Variants in DENND4A observed in about 807,000 individuals in gnomAD.
DENND4A encodes DENN domain containing 4A.
Under a neutral mutation model 199.3 loss-of-function variants are expected in DENND4A, and 70 were observed. The observed-to-expected ratio is 0.35, with a 90% CI of 0.29 to 0.43. The LOEUF is 0.43. Ranked by LOEUF, DENND4A falls within the 20% of genes least tolerant of loss-of-function variation. DENND4A has a pLI of 1.00. For missense variants in DENND4A, 1,723 were observed against 2,255.8 expected, an observed-to-expected ratio of 0.76 and a Z score of 4.78; for synonymous variants, 686 against 766.9, an observed-to-expected ratio of 0.89 and a Z score of 1.74.
At chr15:65,683,558 G>A (rs2076653664) in intron 23 of DENND4A, among the ~76,000 whole-genome samples, 3 of 151,956 alleles carry the variant, frequency 2.0e-5, no homozygotes, top group Non-Finnish European at 4.4e-5. Flanking sequence ...CACAAATTTT[G>A]ATATATTTTT....
chr15:65,732,491 A>G (rs1448859209), intron 8 of DENND4A, among the ~76,000 whole-genome samples: 4 of 152,148 alleles, frequency 2.6e-5, no homozygotes, highest in Non-Finnish European at 4.4e-5. Flanking sequence ...TTTAGGGGAA[A>G]AAAGTTCCTT....
At chr15:65,711,312 G>A (rs1217896071) in intron 14 of DENND4A, among the ~76,000 whole-genome samples, 1 of 152,030 alleles carries the variant, frequency 6.6e-6, no homozygotes, top group Admixed American at 6.6e-5. Flanking sequence ...GACCAACCTG[G>A]GCAACACAAG....
At chr15:65,744,323 T>C (rs997877846) in intron 4 of DENND4A, among the ~76,000 whole-genome samples, 2 of 152,172 alleles carry the variant, frequency 1.3e-5, no homozygotes, top group African/African-American at 2.4e-5. Flanking sequence ...TTTAGACATG[T>C]TAAGTTTGAA....
chr15:65,731,684 T>C lies in DENND4A; in HGVS notation c.1124A>G (p.Asn375Ser). ...AGACACAGGCTGACTGAGAATCAGA[T>C]TATCATGTGGTGATAACTGGAAGAA... is the stretch of plus-strand genomic sequence containing the variant. ...RILVQLSPHD[N>S]LILSQPVSSP... is the part of the protein sequence containing the mutation. The change falls in exon 9 of 33, where the codon AAT (asparagine) becomes AGT (serine). Residue 375 changes from asparagine to serine, a missense_variant. Transcript: ENST00000443035. The C allele has an allele frequency of 6.4e-7, 1 of 1,559,192 alleles. No homozygotes were observed. The highest frequency in any genetic ancestry group is 8.7e-7 in the Non-Finnish European group (1 of 1,150,392).
Position 65,739,010 on chromosome 15 carries a change from C to T in DENND4A, c.632-135G>A, listed in dbSNP as rs1191268570. ...TTATATATATGTTCATCAAATAACACTGAATACTTTGGTAGGATTCATAGA... is the reference window on the plus strand; with the variant it reads ...TTATATATATGTTCATCAAATAACATTGAATACTTTGGTAGGATTCATAGA... On this transcript the variant is annotated intron_variant, in intron 5 of 32. Transcript: ENST00000443035. 2.2e-5 allele frequency: 13 copies of T among 601,524 alleles called. No homozygotes were observed. In the East Asian group the frequency reaches 3.5e-4, roughly 16 times the overall value. The allele number at this position is 601,524 out of a possible 1,614,324, so 37.3% of individuals were successfully genotyped here.
intron 14 of DENND4A, among the ~76,000 whole-genome samples, chr15:65,707,460 TTAAAGGAACCAA>T (rs1349972986): frequency 6.6e-6 from 1 of 152,062 alleles, no homozygotes; most frequent in Non-Finnish European, 1.5e-5. Flanking sequence ...TTTCTAACAC[TTAAAGGAACCAA>T]TACATTCAAA....
chr15:65,764,721 C>G (rs1381568715), intron 1 of DENND4A, among the ~76,000 whole-genome samples: 4 of 151,848 alleles, frequency 2.6e-5, no homozygotes, highest in Non-Finnish European at 5.9e-5. Context: ...TGCCTGTAAT[C>G]CCAGCACTCT....
chr15:65,729,886 T>C (rs967385136), intron 9 of DENND4A, among the ~76,000 whole-genome samples: 6 of 152,148 alleles, frequency 3.9e-5, no homozygotes, highest in Non-Finnish European at 8.8e-5. Context: ...ATGAAAACAA[T>C]GCAGTTTTAG....
chr15:65,717,698 CTAT>C, intron 13 of DENND4A, 77 bp downstream of exon 13: 1 of 1,218,710 alleles, frequency 8.2e-7, no homozygotes, highest in Middle Eastern at 2.3e-4. Context: ...TAAATATGAG[CTAT>C]TAATACAGAC....
chr15:65,720,947 T>TTATATATATATATATATATATA (rs72498783), intron 12 of DENND4A, among the ~76,000 whole-genome samples: 821 of 75,618 alleles, frequency 0.011, 30 homozygotes, highest in Non-Finnish European at 0.016. Flanking sequence ...GTTTCATTGA[T>TTATATATATATATATATATATA]TATATATATA....
chr15:65,659,321 G>GTTTTTTTTTTTTT lies in DENND4A; in HGVS notation c.*2529_*2530insAAAAAAAAAAAAA, dbSNP rs1491492345. The GTTTTTTTTTTTTT allele has an allele frequency of 9.9e-4, 66 of 66,670 alleles. 26 individuals are homozygous for GTTTTTTTTTTTTT. The highest frequency in any genetic ancestry group is 1.3e-3 in the East Asian group (3 of 2,266). 4.1% of individuals were successfully genotyped at this position (66,670 alleles called of 1,614,324 possible). ...TTATTTTAAATGATTGATATTTTCT[G>GTTTTTTTTTTTTT]GTTTTTTTTTTTTTTTTTTTTTTTT... is the stretch of plus-strand genomic sequence containing the variant. On this transcript the variant is annotated 3_prime_UTR_variant, in exon 33 of 33. Transcript: ENST00000443035.
At position 65,697,359 on chromosome 15, in the gene DENND4A, T is replaced by G. The variant is rs2077182647; in HGVS notation, c.2858A>C (p.Asn953Thr). 6.2e-7 allele frequency: 1 copy of G among 1,605,190 alleles called. No individual in the cohort carries two copies. The highest frequency in any genetic ancestry group is 8.5e-7 in the Non-Finnish European group (1 of 1,176,360). ...STGGQSDLGY[N>T]SLSKDEVRRG... ...TCTAACTTCATCTTTAGATAATGAA[T>G]TATATCCAAGATCAGACTGGCCACC... is the stretch of plus-strand genomic sequence containing the variant. Residue 953 changes from asparagine (N) to threonine (T), a missense_variant, in exon 21 of 33, where the codon AAT (asparagine) becomes ACT (threonine). Transcript: ENST00000443035.
intron 22 of DENND4A, among the ~76,000 whole-genome samples, chr15:65,692,202 AT>A (rs1020183031): frequency 1.3e-5 from 2 of 152,172 alleles, no homozygotes; most frequent in Non-Finnish European, 2.9e-5. Flanking sequence ...AATAAAGGTT[AT>A]TTTTTAAAAC....
At chr15:65,731,490 C>T (rs1339071543) in intron 9 of DENND4A, 152 bp downstream of exon 9, 1 of 701,690 alleles carries the variant, frequency 1.4e-6, no homozygotes, top group Non-Finnish European at 2.6e-6. Context: ...TTAATAACTG[C>T]AACCCAAACA....
At chr15:65,674,733 TAAAAAAA>T (rs139568543) in intron 24 of DENND4A, among the ~76,000 whole-genome samples, 10 of 133,572 alleles carry the variant, frequency 7.5e-5, no homozygotes, top group African/African-American at 2.8e-4. Flanking sequence ...GACCCTATCT[TAAAAAAA>T]AAAAAAAAAG....
intron 2 of DENND4A, among the ~76,000 whole-genome samples, chr15:65,759,483 A>G (rs1596628939): frequency 1.3e-5 from 2 of 152,302 alleles, no homozygotes; most frequent in Admixed American, 6.5e-5. Context: ...ATCTGGAAAA[A>G]AAAAGGAAAA....
At chr15:65,777,045 G>C (rs1000076957) in intron 1 of DENND4A, among the ~76,000 whole-genome samples, 1 of 152,126 alleles carries the variant, frequency 6.6e-6, no homozygotes, top group Non-Finnish European at 1.5e-5. Flanking sequence ...GCATGTGCCT[G>C]TAATCCCAGC....
intron 12 of DENND4A, among the ~76,000 whole-genome samples, chr15:65,720,211 T>C (rs1335309552): frequency 1.3e-5 from 2 of 152,166 alleles, no homozygotes; most frequent in African/African-American, 4.8e-5. Context: ...TGTCAAAGAA[T>C]GTACTGGGTA....
intron 1 of DENND4A, among the ~76,000 whole-genome samples, chr15:65,777,536 AC>A (rs1168485680): frequency 6.6e-6 from 1 of 151,894 alleles, no homozygotes; most frequent in African/African-American, 2.4e-5. Flanking sequence ...TATTTTTAGT[AC>A]AGATGGGGTT....
Sources: allele counts gnomAD v4.1 joint callset (sites outside exome capture counted in the v4.1 genomes callset), GRCh38; gene constraint gnomAD v4.1.1; transcripts MANE v1.5; gene names NCBI Gene and HGNC (gene_info 2026-07-23, HGNC 2026-07-21).